Variants in CA14 observed in about 807,000 individuals in gnomAD.
The protein encoded by CA14 is CA-XIV.
Under a neutral mutation model 48.8 loss-of-function variants are expected in CA14, and 44 were observed. The observed-to-expected ratio is 0.90, with a 90% CI of 0.71 to 1.16. The LOEUF (loss-of-function observed/expected upper bound fraction) is 1.16, where lower values mean the gene tolerates loss of function less well. Ranked by LOEUF, CA14 falls within the 50% of genes most tolerant of loss-of-function variation. The pLI is 0.00. For missense variants in CA14, 386 were observed against 401.0 expected (o/e 0.96, Z 0.32); for synonymous variants, 154 against 155.0 (o/e 0.99, Z 0.05).
At position 150,258,031 on chromosome 1, in the gene CA14, T is replaced by G. The variant is rs1398445369; in HGVS notation, c.-98T>G. ...ACTCACGCCAGGAGCTCGCTCGCTC[T>G]CTCTCTCTCTCTCTCACTCCTCCCT... is the stretch of plus-strand genomic sequence containing the variant. On this transcript the variant is annotated 5_prime_UTR_variant, in exon 1 of 11. Coordinates refer to ENST00000369111, the MANE Select transcript of CA14 (RefSeq NM_012113.3). 89 of 685,450 alleles carry G rather than the reference T, an allele frequency of 1.3e-4. No individual in the cohort carries two copies. Among genetic ancestry groups the G allele is most frequent in the Non-Finnish European group, 1.7e-4 (75 of 446,226 alleles). The allele number at this position is 685,450 out of a possible 1,614,324, so 42.5% of individuals were successfully genotyped here.
At chr1:150,260,240 A>G in intron 2 of CA14, 69 bp downstream of exon 2, 4 of 1,491,356 alleles carry the variant, frequency 2.7e-6, no homozygotes, top group Non-Finnish European at 3.7e-6. Context: ...AGGAAGACAC[A>G]CTGTGCGGGT....
Position 150,264,597 on chromosome 1 carries a change from AAG to A in CA14, c.955_956del (p.Arg319AlafsTer17), listed in dbSNP as rs781947606. On this transcript the variant is annotated frameshift_variant, in exon 11 of 11. Coordinates refer to ENST00000369111, the MANE Select transcript of CA14 (RefSeq NM_012113.3). LOFTEE classifies it high-confidence loss of function. The part of the protein sequence containing the change: ...VYFIARKIRK[K>X]RLENRKSVVF... ...ATGAGCCATTCCCCTTTCCAGGAAG[AAG>A]AGGCTGGAAAACCGAAAGAGTGTGG... 6.9e-6 allele frequency: 11 copies of A among 1,600,592 alleles called. No individual in the cohort carries two copies. The highest frequency in any genetic ancestry group is 1.7e-5 in the Admixed American group (1 of 59,914).
In CA14 at chr1:150,264,939, T is replaced by C; in HGVS notation, c.*280T>C. ...TTAGTTGCAGGGGAAGTTTGGGATA[T>C]ACCCCAAAGTCCTCTACCCCCTCAC... On this transcript the variant is annotated 3_prime_UTR_variant, in exon 11 of 11. Coordinates refer to ENST00000369111, the MANE Select transcript of CA14 (RefSeq NM_012113.3). 1 of 281,860 alleles carries C rather than the reference T, an allele frequency of 3.5e-6. No individual in the cohort carries two copies. The highest frequency in any genetic ancestry group is 6.7e-6 in the Non-Finnish European group (1 of 149,030). The allele number at this position is 281,860 out of a possible 1,614,324, so 17.5% of individuals were successfully genotyped here. A position where few individuals can be genotyped will look rare whatever the true frequency, so the allele number is the denominator to read the frequency against.
rs1553847810 is a variant in CA14, at chr1:150,261,525, T to C, written c.143T>C (p.Ile48Thr). 4 of 1,613,976 alleles carry C rather than the reference T, an allele frequency of 2.5e-6. No individual in the cohort carries two copies. The highest frequency in any genetic ancestry group is 3.4e-6 in the Non-Finnish European group (4 of 1,180,010). The part of the protein sequence containing the change: ...PECGNNAQSP[I>T]DIQTDSVTFD... ...TGTGGAAACAATGCCCAGTCGCCCA[T>C]CGATATTCAGACAGACAGTGTGACA... Residue 48 changes from isoleucine (I) to threonine (T), a missense_variant, in exon 3 of 11, where the codon ATC becomes ACC. Transcript: ENST00000369111.
At chr1:150,263,914 T>TA in intron 10 of CA14, 36 bp downstream of exon 10, 698 of 1,163,686 alleles carry the variant, frequency 6.0e-4, no homozygotes, top group Middle Eastern at 8.9e-4. Context: ...AGTCCCTTCT[T>TA]CTTTTTTTTT....
Position 150,261,441 on chromosome 1 carries a change from T to C in CA14, c.77-18T>C. ...AGAGCTGGAGGACAGGACCAATGTC[T>C]TTGGTAACCCCCACCAGGCCCACAT... On this transcript the variant is annotated intron_variant, in intron 2 of 10. Transcript: ENST00000369111. 6.2e-7 allele frequency: 1 copy of C among 1,611,400 alleles called. No homozygotes were observed. The highest frequency in any genetic ancestry group is 1.1e-5 in the South Asian group (1 of 90,816).
intron 2 of CA14, chr1:150,260,462 G>A: frequency 2.0e-6 from 1 of 511,410 alleles, no homozygotes; most frequent in Non-Finnish European, 3.6e-6. Context: ...TCTGAGCTTA[G>A]CTGCCAGGTC....
At position 150,263,368 on chromosome 1, in the gene CA14, C is replaced by G. The variant is rs587602115; in HGVS notation, c.790C>G (p.Arg264Gly). ...EPSKLLVQNY[R>G]ALQPLNQRMV... ...CTCTAAGCTTCTGGTACAGAACTACCGAGCCCTTCAGCCTCTCAATCAGCG... is the reference window on the plus strand; with the variant it reads ...CTCTAAGCTTCTGGTACAGAACTACGGAGCCCTTCAGCCTCTCAATCAGCG... Residue 264 changes from arginine (R) to glycine (G), a missense_variant, in exon 8 of 11, where the codon CGA (arginine) becomes GGA (glycine). Transcript: ENST00000369111. 3.1e-6 allele frequency: 5 copies of G among 1,614,052 alleles called. No homozygotes were observed. The highest frequency in any genetic ancestry group is 1.6e-4 in the Middle Eastern group (1 of 6,074).
intron 2 of CA14, chr1:150,261,250 G>T (rs587746023): frequency 1.8e-6 from 1 of 568,570 alleles, no homozygotes; most frequent in East Asian, 2.9e-5. Flanking sequence ...CCTCTGGGTA[G>T]GGAAGGGGAA....
intron 7 of CA14, 48 bp from the exon 8 acceptor site, chr1:150,263,251 C>T: frequency 6.2e-7 from 1 of 1,613,590 alleles, no homozygotes; most frequent in Non-Finnish European, 8.5e-7. Flanking sequence ...ACTTCAGACC[C>T]CTTCCCACTC....
chr1:150,260,571 T>C (rs1235760045), intron 2 of CA14: 2 of 341,232 alleles, frequency 5.9e-6, no homozygotes, highest in South Asian at 2.4e-5. Flanking sequence ...GCTGGCAGGA[T>C]AGTTTCTGAC....
intron 10 of CA14, 134 bp downstream of exon 10, chr1:150,264,012 GCCT>G: frequency 1.5e-6 from 1 of 684,442 alleles, no homozygotes; most frequent in Non-Finnish European, 2.5e-6. Flanking sequence ...TGCAACCTCT[GCCT>G]TCTGGGTTCA....
chr1:150,263,915 CTT>C (rs34291619), intron 10 of CA14, 37 bp downstream of exon 10: 4,054 of 848,648 alleles, frequency 4.8e-3, no homozygotes, highest in Middle Eastern at 9.8e-3. Flanking sequence ...GTCCCTTCTT[CTT>C]TTTTTTTTTT....
At chr1:150,261,428 C>G in intron 2 of CA14, 31 bp from the exon 3 acceptor site, 1 of 1,600,536 alleles carries the variant, frequency 6.2e-7, no homozygotes. Context: ...AGCTGGAGGA[C>G]AGGACCAATG....
rs782753065 is a variant in CA14 at position 150,261,500 on chromosome 1, T to C, written c.118T>C (p.Cys40Arg). Residue 40 changes from cysteine to arginine, a missense_variant, in exon 3 of 11, where the codon TGT becomes CGT. Coordinates refer to ENST00000369111, the MANE Select transcript of CA14 (RefSeq NM_012113.3). ...QDHWPASYPECGNNAQSPIDI... is the reference protein window; with the variant it reads ...QDHWPASYPERGNNAQSPIDI... ...CCATTGGCCAGCCTCTTACCCTGAG[T>C]GTGGAAACAATGCCCAGTCGCCCAT... 3.4e-5 allele frequency: 55 copies of C among 1,613,946 alleles called. No homozygotes were observed. The highest frequency in any genetic ancestry group is 4.7e-5 in the Non-Finnish European group (55 of 1,180,034).
chr1:150,263,198 AG>A lies in CA14; in HGVS notation c.720+1del. 1.9e-6 allele frequency: 3 copies of A among 1,614,168 alleles called. No individual in the cohort carries two copies. Among genetic ancestry groups the A allele is most frequent in the Non-Finnish European group, 2.5e-6 (3 of 1,180,024 alleles). ...AGAAGGTCCCAGATTTCAATGGAAC[AG>A]GTAAGTGGTGGAGAAACGAGGTGAG... ...FYRRSQISME[Q>X]LEKLQGTLFS... On this transcript the variant is annotated frameshift_variant and splice_region_variant, in exon 7 of 11. Transcript: ENST00000369111. LOFTEE classifies it high-confidence loss of function.
chr1:150,263,089 A>G lies in CA14; in HGVS notation c.610A>G (p.Lys204Glu). Residue 204 changes from lysine to glutamate, a missense_variant, in exon 7 of 11, where the codon AAA becomes GAA. By Grantham distance (56) the Lys-to-Glu change is moderately conservative. Coordinates refer to ENST00000369111, the MANE Select transcript of CA14 (RefSeq NM_012113.3). Reference protein sequence around the residue: ...PPFNLRELLPKQLGQYFRYNG... With the variant: ...PPFNLRELLPEQLGQYFRYNG... ...CTTCAACCTAAGAGAGCTGCTCCCC[A>G]AACAGCTGGGGCAGTACTTCCGCTA... The G allele has an allele frequency of 1.2e-6, 2 of 1,614,028 alleles. No homozygotes were observed. The highest frequency in any genetic ancestry group is 1.7e-6 in the Non-Finnish European group (2 of 1,179,920).
At chr1:150,260,211 T>C in intron 2 of CA14, 40 bp downstream of exon 2, 2 of 1,605,240 alleles carry the variant, frequency 1.2e-6, no homozygotes, top group Non-Finnish European at 1.7e-6. Flanking sequence ...CCTTTCACAC[T>C]GGGACCTCCT....
rs868932571 is a variant in CA14 at position 150,258,618 on chromosome 1, T to C, written c.55+435T>C. Among the ~76,000 whole-genome samples the C allele has an allele frequency of 7.3e-4, 111 of 152,342 alleles. 2 individuals are homozygous for C. The highest frequency in any genetic ancestry group is 2.5e-3 in the African/African-American group (102 of 41,586). ...AATACTTCCTGCCCAACTCAGACCC[T>C]GATCTCCAATTCATCCCCTTTTGGC... On this transcript the variant is annotated intron_variant, in intron 1 of 10. Coordinates refer to ENST00000369111, the MANE Select transcript of CA14 (RefSeq NM_012113.3).
Sources: allele counts gnomAD v4.1 joint callset (sites outside exome capture counted in the v4.1 genomes callset), GRCh38; gene constraint gnomAD v4.1.1; transcripts MANE v1.5; gene names NCBI Gene and HGNC (gene_info 2026-07-23, HGNC 2026-07-21).